PPFIA2: variants seen among roughly 807,000 people sequenced by gnomAD.
The protein encoded by PPFIA2 is PPFI scaffold protein A2, also known as liprin-alpha-2.
In PPFIA2, 46 loss-of-function variants were observed where a neutral mutation model predicts 175.5. That is an observed-to-expected ratio of 0.26 (90% CI 0.21 to 0.34). PPFIA2 has a LOEUF of 0.34. Ranked by LOEUF, PPFIA2 falls within the 10% of genes least tolerant of loss-of-function variation. The probability of loss-of-function intolerance (pLI) is 1.00; values close to 1 mark genes in which losing one functional copy is unlikely to be tolerated. For missense variants in PPFIA2, 1,179 were observed against 1,506.1 expected (o/e 0.78, Z 3.60); for synonymous variants, 568 against 511.4 (o/e 1.11, Z -1.49).
chr12:81,708,468 T>C (rs1596622841), intron 3 of PPFIA2, among the ~76,000 whole-genome samples: 2 of 152,112 alleles, frequency 1.3e-5, no homozygotes, highest in African/African-American at 2.4e-5. Context: ...TTAAGTTATT[T>C]TGAAAAAAAA....
rs2065437760 is a variant in PPFIA2 at position 81,642,797 on chromosome 12, ATGTATGTATGTAT to A, written c.303+33981_303+33993del. Among the ~76,000 whole-genome samples the A allele has an allele frequency of 4.6e-4, 10 of 21,648 alleles. 5 individuals carry two copies. The highest frequency in any genetic ancestry group is 1.4e-3 in the African/African-American group (8 of 5,606). The allele number at this position is 21,648 out of a possible 152,430, so 14.2% of individuals were successfully genotyped here. A position where few individuals can be genotyped will look rare whatever the true frequency, so the allele number is the denominator to read the frequency against. ...GTATGTATTATATACATACATGTAT[ATGTATGTATGTAT>A]TACATACATGTATATGTATGTATGT... On this transcript the variant is annotated intron_variant, in intron 4 of 32. Transcript: ENST00000549396.
At chr12:81,357,971 A>C in intron 16 of PPFIA2, 111 bp downstream of exon 16, 1 of 1,153,228 alleles carries the variant, frequency 8.7e-7, no homozygotes, top group Non-Finnish European at 1.2e-6. Flanking sequence ...TCTGTGTTTC[A>C]AATTAATAAA....
chr12:81,748,451 T>A (rs903477243), intron 3 of PPFIA2, among the ~76,000 whole-genome samples: 5 of 144,776 alleles, frequency 3.5e-5, no homozygotes, highest in African/African-American at 1.2e-4. Context: ...TTAAGAAGCA[T>A]CTGCTTATTC....
At chr12:81,339,691 T>A (rs1169605910) in intron 20 of PPFIA2, among the ~76,000 whole-genome samples, 1 of 152,094 alleles carries the variant, frequency 6.6e-6, no homozygotes, top group African/African-American at 2.4e-5. Context: ...AGAGTCTGTT[T>A]TTCTAATCTT....
rs2060613226 is a variant in PPFIA2, at chr12:81,608,975, A to C, written c.303+67816T>G. Among the ~76,000 whole-genome samples, 3 of 151,936 alleles carry C rather than the reference A, an allele frequency of 2.0e-5. No homozygotes were observed. The South Asian group carries it at 6.2e-4, about 31-fold the overall frequency. On this transcript the variant is annotated intron_variant, in intron 4 of 32. Coordinates refer to ENST00000549396, the MANE Select transcript of PPFIA2 (RefSeq NM_003625.5). ...ACATTGCTTCAGTTGTATCCTAGAG[A>C]TTTGGATAAGTTTTATACCTATTTT...
chr12:81,469,608 C>T (rs1454891231), intron 4 of PPFIA2, among the ~76,000 whole-genome samples: 1 of 152,202 alleles, frequency 6.6e-6, no homozygotes, highest in Non-Finnish European at 1.5e-5. Flanking sequence ...GCATACTAAA[C>T]CTATAAAATT....
chr12:81,328,459 T>C (rs1292588433), intron 21 of PPFIA2, among the ~76,000 whole-genome samples: 1 of 152,246 alleles, frequency 6.6e-6, no homozygotes, highest in East Asian at 1.9e-4. Flanking sequence ...TAAGTGATCA[T>C]GTGTTAAAAT....
intron 3 of PPFIA2, among the ~76,000 whole-genome samples, chr12:81,717,599 C>T (rs909101689): frequency 2.0e-5 from 3 of 151,604 alleles, no homozygotes; most frequent in Non-Finnish European, 4.4e-5. Context: ...GCTGCTCTTC[C>T]TAAAATAGTT....
In PPFIA2 at chr12:81,695,351, G is replaced by C. The variant is rs11114982; in HGVS notation, c.250-18507C>G. 8.0e-3 allele frequency among the ~76,000 whole-genome samples: 1,211 copies of C among 152,256 alleles called. 15 individuals carry two copies. The highest frequency in any genetic ancestry group is 0.028 in the African/African-American group (1,167 of 41,544). ...CATAGGAGCATATCCTTCATGGCTT[G>C]ATGGTGTCTTTGTGGTAGTAAGCTC... On this transcript the variant is annotated intron_variant, in intron 3 of 32. Coordinates refer to ENST00000549396, the MANE Select transcript of PPFIA2 (RefSeq NM_003625.5).
intron 24 of PPFIA2, chr12:81,294,457 G>C (rs1053339377): frequency 4.0e-5 from 7 of 175,784 alleles, no homozygotes; most frequent in African/African-American, 1.6e-4. Flanking sequence ...AAGGAAGGAA[G>C]GAAGGAAGGA....
chr12:81,637,236 A>ATTT (rs71098156), intron 4 of PPFIA2, among the ~76,000 whole-genome samples: 8 of 65,920 alleles, frequency 1.2e-4, no homozygotes, highest in East Asian at 5.5e-4. Context: ...CGCCAGGCTA[A>ATTT]TTTTTTTTTT....
chr12:81,624,443 T>C (rs2062441257), intron 4 of PPFIA2, among the ~76,000 whole-genome samples: 1 of 147,032 alleles, frequency 6.8e-6, no homozygotes, highest in Non-Finnish European at 1.5e-5. Flanking sequence ...ACATATATTA[T>C]ATGTATAATT....
chr12:81,722,071 GT>G (rs545394153), intron 3 of PPFIA2, among the ~76,000 whole-genome samples: 170 of 151,004 alleles, frequency 1.1e-3, no homozygotes, highest in African/African-American at 3.7e-3. Context: ...AAAAATCAGT[GT>G]TTCATAGGAC....
chr12:81,631,483 T>C (rs1433710437), intron 4 of PPFIA2, among the ~76,000 whole-genome samples: 1 of 152,058 alleles, frequency 6.6e-6, no homozygotes, highest in Non-Finnish European at 1.5e-5. Flanking sequence ...GATGATATAC[T>C]AAAAGGAAGG....
chr12:81,558,070 A>G (rs949911915), intron 4 of PPFIA2, among the ~76,000 whole-genome samples: 1 of 152,096 alleles, frequency 6.6e-6, no homozygotes, highest in East Asian at 1.9e-4. Context: ...TATTCTTAAG[A>G]TACTCCATTT....
In PPFIA2 at chr12:81,721,507, T is replaced by C. The variant is rs1157877832; in HGVS notation, c.249+32466A>G. 5.3e-5 allele frequency among the ~76,000 whole-genome samples: 8 copies of C among 150,814 alleles called. No individual in the cohort carries two copies. In the East Asian group the frequency reaches 1.6e-3, roughly 30 times the overall value. On this transcript the variant is annotated intron_variant, in intron 3 of 32. Transcript: ENST00000549396. Reference sequence around the variant, plus strand: ...CACATATGCATACATCTAGTGGCAATTTTATCTCTACAACTTCTCCCAGTG... The same window carrying C: ...CACATATGCATACATCTAGTGGCAACTTTATCTCTACAACTTCTCCCAGTG...
chr12:81,455,408 G>C (rs1041585080), intron 5 of PPFIA2, among the ~76,000 whole-genome samples: 1 of 151,970 alleles, frequency 6.6e-6, no homozygotes, highest in Non-Finnish European at 1.5e-5. Flanking sequence ...CTTTAAAGAA[G>C]GTAGAAATGT....
At chr12:81,381,644 C>A (rs1483729406) in intron 9 of PPFIA2, among the ~76,000 whole-genome samples, 1 of 152,004 alleles carries the variant, frequency 6.6e-6, no homozygotes, top group Admixed American at 6.6e-5. Context: ...GGTTAAACTG[C>A]CTTTACTTTA....
chr12:81,500,333 T>A (rs1235316196), intron 4 of PPFIA2, among the ~76,000 whole-genome samples: 1 of 152,148 alleles, frequency 6.6e-6, no homozygotes, highest in Non-Finnish European at 1.5e-5. Context: ...CCCTCCCAAC[T>A]TTAGCCTCCA....
Sources: gnomAD v4.1 joint callset for allele counts (sites outside exome capture counted in the v4.1 genomes callset) on GRCh38, gnomAD v4.1.1 for gene constraint, MANE v1.5 for transcripts, NCBI Gene and HGNC (gene_info 2026-07-23, HGNC 2026-07-21) for gene names.